FRK: variants seen among roughly 807,000 people sequenced by gnomAD.
FRK encodes fyn related Src family tyrosine kinase.
In FRK, 51 loss-of-function variants were observed where a neutral mutation model predicts 56.4. The ratio of observed to expected loss-of-function variants is 0.90; its 90% CI spans 0.72 to 1.14. FRK has a LOEUF of 1.14. Ranked by LOEUF, FRK falls within the 50% of genes most tolerant of loss-of-function variation. FRK has a pLI of 0.00. For synonymous variants in FRK, 245 were observed against 217.9 expected (o/e 1.12, Z -1.10); for missense variants, 570 against 601.4 (o/e 0.95, Z 0.55).
intron 2 of FRK, among the ~76,000 whole-genome samples, chr6:116,002,008 A>G (rs1328753275): frequency 6.6e-6 from 1 of 152,232 alleles, no homozygotes; most frequent in Non-Finnish European, 1.5e-5. Flanking sequence ...ATATGTGCAT[A>G]AAAATATACT....
intron 2 of FRK, among the ~76,000 whole-genome samples, chr6:115,994,338 C>CTT (rs138130403): frequency 3.3e-4 from 30 of 91,786 alleles, no homozygotes; most frequent in Non-Finnish European, 4.8e-4. Context: ...CCCCCCCCGC[C>CTT]TTTTTTTTGT....
At chr6:115,978,331 T>G (rs1774061178) in intron 2 of FRK, among the ~76,000 whole-genome samples, 1 of 152,118 alleles carries the variant, frequency 6.6e-6, no homozygotes, top group Non-Finnish European at 1.5e-5. Context: ...GCATAAATTA[T>G]AAAATGCCTC....
At chr6:116,014,750 T>A (rs1010282016) in intron 1 of FRK, among the ~76,000 whole-genome samples, 29 of 152,024 alleles carry the variant, frequency 1.9e-4, no homozygotes, top group Non-Finnish European at 3.8e-4. Flanking sequence ...AGGGAAAAAA[T>A]GTGACTTGTT....
intron 1 of FRK, among the ~76,000 whole-genome samples, chr6:116,013,017 T>C (rs938621993): frequency 1.3e-5 from 2 of 152,198 alleles, no homozygotes; most frequent in Non-Finnish European, 1.5e-5. Flanking sequence ...GTATCAGAGG[T>C]AGGACTTGCA....
At position 115,968,664 on chromosome 6, in the gene FRK, C is replaced by A. The variant is rs780048286; in HGVS notation, c.542G>T (p.Arg181Ile). The change falls in exon 3 of 8, where the codon AGA (arginine) becomes ATA (isoleucine). Residue 181 changes from arginine to isoleucine, a missense_variant. Coordinates refer to ENST00000606080, the MANE Select transcript of FRK (RefSeq NM_002031.3). ...DEGGFFLTRR[R>I]IFSTLNEFVS... ...AAATTCGTTCAGTGTTGAAAAGATT[C>A]TTCTTCGCGTGAGAAAAAATCCCCC... 1 of 1,613,804 alleles carries A rather than the reference C, an allele frequency of 6.2e-7. No individual in the cohort carries two copies. Among genetic ancestry groups the A allele is most frequent in the South Asian group, 1.1e-5 (1 of 91,064 alleles).
Position 115,931,870 on chromosome 6 carries a change from G to A in FRK, c.*10544C>T, listed in dbSNP as rs1403172833. 1 of 152,124 alleles carries A rather than the reference G, an allele frequency of 6.6e-6. No homozygotes were observed. The highest frequency in any genetic ancestry group is 1.9e-4 in the East Asian group (1 of 5,198). 9.4% of individuals were successfully genotyped at this position (152,124 alleles called of 1,614,324 possible). ...CCAACATACAACTTCTGGTTATTAG[G>A]TAATATGACTTGAATCCTCTGCATG... On this transcript the variant is annotated 3_prime_UTR_variant, in exon 8 of 8. Coordinates refer to ENST00000606080, the MANE Select transcript of FRK (RefSeq NM_002031.3).
At chr6:116,066,802 T>A in the FRK span, among the ~76,000 whole-genome samples, 2 of 152,174 alleles carry the variant, frequency 1.3e-5, no homozygotes, top group Non-Finnish European at 2.9e-5. Flanking sequence ...TTGTCCAGAT[T>A]CTTCATTTGG....
chr6:116,060,244 G>A lies in FRK; in HGVS notation c.68C>T (p.Ala23Val). Residue 23 changes from alanine (A) to valine (V), a missense_variant, in exon 1 of 8, where the codon GCA (alanine) becomes GTA (valine). By Grantham distance (64) the Ala-to-Val change is moderately conservative. Coordinates refer to ENST00000606080, the MANE Select transcript of FRK (RefSeq NM_002031.3). ...ATTTTCAATCACGGTTGACTTGTCT[G>A]CCTCCGTGGACAAACAGGGGAGATA... The part of the protein sequence containing the change: ...EPYLPCLSTE[A>V]DKSTVIENPG... The A allele has an allele frequency of 6.2e-7, 1 of 1,614,160 alleles. No homozygotes were observed. Among genetic ancestry groups the A allele is most frequent in the South Asian group, 1.1e-5 (1 of 91,084 alleles).
At position 115,933,771 on chromosome 6, in the gene FRK, C is replaced by A. The variant is rs1771997628; in HGVS notation, c.*8643G>T. ...AGGAACTATTTTCTTTCCATTTATG[C>A]TAACTGGTTATTTATAATTTACTCC... is the stretch of plus-strand genomic sequence containing the variant. On this transcript the variant is annotated 3_prime_UTR_variant, in exon 8 of 8. Coordinates refer to ENST00000606080, the MANE Select transcript of FRK (RefSeq NM_002031.3). 1 of 152,090 alleles carries A rather than the reference C, an allele frequency of 6.6e-6. No homozygotes were observed. The highest frequency in any genetic ancestry group is 2.1e-4 in the South Asian group (1 of 4,826). 9.4% of individuals were successfully genotyped at this position (152,090 alleles called of 1,614,324 possible).
intron 4 of FRK, among the ~76,000 whole-genome samples, chr6:115,960,524 G>A (rs1274983953): frequency 6.8e-6 from 1 of 146,198 alleles, no homozygotes; most frequent in Admixed American, 6.8e-5. Context: ...CCGGAAGCTC[G>A]AACTGGGTGG....
At chr6:116,077,505 G>C in the FRK span, among the ~76,000 whole-genome samples, 1 of 152,182 alleles carries the variant, frequency 6.6e-6, no homozygotes, top group African/African-American at 2.4e-5. Flanking sequence ...GATCCTTGCA[G>C]ATACATGCAC....
intron 4 of FRK, among the ~76,000 whole-genome samples, chr6:115,960,038 G>A (rs560779435): frequency 6.6e-6 from 1 of 152,300 alleles, no homozygotes; most frequent in South Asian, 2.1e-4. Context: ...ATCTAGGGGA[G>A]GAGCCAAGAT....
In FRK at chr6:116,023,029, A is replaced by G. The variant is rs142078093; in HGVS notation, c.345-19031T>C. On this transcript the variant is annotated intron_variant, in intron 1 of 7. Transcript: ENST00000606080. ...AGACACTTCACAAAAGGAAATATGA[A>G]GTTGGCTAATAAGCACAGGAAAATG... 2.6e-3 allele frequency among the ~76,000 whole-genome samples: 390 copies of G among 152,298 alleles called. 1 individual carries two copies. The highest frequency in any genetic ancestry group is 0.01 in the Middle Eastern group (3 of 294).
Position 115,958,696 on chromosome 6 carries a change from GAAAGAAAGAA to G in FRK, c.800-2096_800-2087del, listed in dbSNP as rs1773148392. ...AGAAAGAAAGAAAGAAAGAAAGAAAGAAAGAAAGAAGAAAGAAAGAAAGAAAGAAAGAAAG... is the reference window on the plus strand; with the variant it reads ...AGAAAGAAAGAAAGAAAGAAAGAAAGGAAAGAAAGAAAGAAAGAAAGAAAG... On this transcript the variant is annotated intron_variant, in intron 4 of 7. Coordinates refer to ENST00000606080, the MANE Select transcript of FRK (RefSeq NM_002031.3). 3.8e-4 allele frequency among the ~76,000 whole-genome samples: 3 copies of G among 7,874 alleles called. No homozygotes were observed. In the South Asian group the frequency reaches 0.019, roughly 50 times the overall value. 5.2% of individuals were successfully genotyped at this position (7,874 alleles called of 152,430 possible).
chr6:116,012,195 C>G (rs554172945), intron 1 of FRK, among the ~76,000 whole-genome samples: 1 of 152,142 alleles, frequency 6.6e-6, no homozygotes, highest in Non-Finnish European at 1.5e-5. Flanking sequence ...CAGACTCTCC[C>G]CCTTGCTCAC....
intron 1 of FRK, among the ~76,000 whole-genome samples, chr6:116,010,468 C>G (rs1288468216): frequency 6.6e-6 from 1 of 152,054 alleles, no homozygotes; most frequent in Non-Finnish European, 1.5e-5. Flanking sequence ...AACTTTGGCA[C>G]TTAGAATTGA....
At chr6:115,982,208 G>T (rs543043139) in intron 2 of FRK, among the ~76,000 whole-genome samples, 1 of 152,234 alleles carries the variant, frequency 6.6e-6, no homozygotes, top group Admixed American at 6.5e-5. Context: ...ATCTTTTCCT[G>T]CACTTGTACA....
At chr6:115,968,552 A>C in intron 3 of FRK, 24 bp downstream of exon 3, 1 of 1,591,360 alleles carries the variant, frequency 6.3e-7, no homozygotes, top group Non-Finnish European at 8.5e-7. Context: ...TCAATAAAAA[A>C]ACACAGCTTG....
chr6:116,003,916 T>C lies in FRK; in HGVS notation c.427A>G (p.Arg143Gly), dbSNP rs1016330218. ...TCTCCTTTTTGGCTTTCACTTTCTC[T>C]GATTAGAAAGGAACCGGTCTTGTTT... ...SENKTGSFLI[R>G]ESESQKGEFS... Residue 143 changes from arginine (R) to glycine (G), a missense_variant, in exon 2 of 8, where the codon AGA becomes GGA. By Grantham distance (125) the Arg-to-Gly change is moderately radical. Coordinates refer to ENST00000606080, the MANE Select transcript of FRK (RefSeq NM_002031.3). 41 of 1,613,388 alleles carry C rather than the reference T, an allele frequency of 2.5e-5. No individual in the cohort carries two copies. The highest frequency in any genetic ancestry group is 3.5e-5 in the Non-Finnish European group (41 of 1,179,656).
Sources: allele counts gnomAD v4.1 joint callset (sites outside exome capture counted in the v4.1 genomes callset), GRCh38; gene constraint gnomAD v4.1.1; transcripts MANE v1.5; gene names NCBI Gene and HGNC (gene_info 2026-07-23, HGNC 2026-07-21).